The following FAM184A variants were observed in gnomAD, a reference collection of about 807,000 sequenced individuals.
The protein encoded by FAM184A is protein FAM184A.
In FAM184A, 99 loss-of-function variants were observed where a neutral mutation model predicts 143.8. The observed-to-expected ratio is 0.69, with a 90% CI of 0.58 to 0.81. FAM184A has a LOEUF of 0.81. FAM184A is among the 40% of genes least tolerant of loss of function. FAM184A has a pLI of 0.00. For missense variants in FAM184A, 1,217 were observed against 1,310.5 expected, an observed-to-expected ratio of 0.93 and a Z score of 1.10; for synonymous variants, 427 against 446.4, an observed-to-expected ratio of 0.96 and a Z score of 0.55.
In FAM184A at chr6:118,975,995, C is replaced by T. The variant is rs573673457; in HGVS notation, c.2505G>A (p.Leu835=). ...LNHQHAAAID[L]LRHNHHQELA... ...ATTCTTGATGATGATTATGCCGTAACAAATCAATTGCAGCTGCATGTTGAT... is the reference window on the plus strand; with the variant it reads ...ATTCTTGATGATGATTATGCCGTAATAAATCAATTGCAGCTGCATGTTGAT... The change falls in exon 12 of 18, where the codon TTG becomes TTA. Residue 835 remains leucine, a synonymous_variant. Transcript: ENST00000338891. 6.2e-7 allele frequency: 1 copy of T among 1,613,396 alleles called. No individual in the cohort carries two copies. The highest frequency in any genetic ancestry group is 1.3e-5 in the African/African-American group (1 of 74,990).
chr6:119,050,634 G>A (rs556400152), intron 1 of FAM184A, among the ~76,000 whole-genome samples: 17 of 151,876 alleles, frequency 1.1e-4, no homozygotes, highest in African/African-American at 3.4e-4. Context: ...GTGAAACCCC[G>A]TCTCTACTAA....
chr6:119,132,149 T>G (rs1789550181), intron 1 of FAM184A, among the ~76,000 whole-genome samples: 1 of 152,246 alleles, frequency 6.6e-6, no homozygotes, highest in South Asian at 2.1e-4. Context: ...TATTTCTGTT[T>G]TGAAATAACA....
chr6:119,083,044 C>G (rs1380569412), upstream of FAM184A, among the ~76,000 whole-genome samples: 2 of 152,254 alleles, frequency 1.3e-5, no homozygotes, highest in African/African-American at 4.8e-5. Flanking sequence ...TTCTTAACTT[C>G]TGTGCACCTG....
intron 1 of FAM184A, among the ~76,000 whole-genome samples, chr6:119,071,821 G>C (rs888813795): frequency 6.6e-6 from 1 of 151,378 alleles, no homozygotes; most frequent in Non-Finnish European, 1.5e-5. Flanking sequence ...TAAAATGAGA[G>C]GGTCAGCCTG....
upstream of FAM184A, chr6:119,078,737 C>G (rs1375829682): frequency 1.3e-5 from 2 of 153,538 alleles, no homozygotes; most frequent in South Asian, 1.8e-4. This position sits in a 1 kb window ranked among gnomAD's most constrained non-coding sequence, Gnocchi z 5.5. Flanking sequence ...CGGGAGCCGC[C>G]GTTACCAGGG....
intron 9 of FAM184A, among the ~76,000 whole-genome samples, chr6:118,987,493 A>C (rs1380170272): frequency 2.0e-5 from 3 of 152,224 alleles, no homozygotes; most frequent in African/African-American, 4.8e-5. Flanking sequence ...TAAATGGAAT[A>C]TTATTTTGAA....
At chr6:119,063,662 G>A (rs1422757711) in intron 1 of FAM184A, among the ~76,000 whole-genome samples, 1 of 152,044 alleles carries the variant, frequency 6.6e-6, no homozygotes, top group Non-Finnish European at 1.5e-5. Flanking sequence ...ATTATGGCAA[G>A]GATGAAATTA....
chr6:119,032,093 G>A (rs1416802361), intron 1 of FAM184A, among the ~76,000 whole-genome samples: 1 of 151,968 alleles, frequency 6.6e-6, no homozygotes, highest in Non-Finnish European at 1.5e-5. Flanking sequence ...CCAACATGGC[G>A]AAACCCTATC....
At chr6:119,027,102 C>A (rs794249) in intron 1 of FAM184A, among the ~76,000 whole-genome samples, 70,180 of 151,868 alleles carry the variant, frequency 0.46, 17,013 homozygotes, top group Non-Finnish European at 0.53. Context: ...TCAGGGCTTA[C>A]CTCTTTCAAC....
At chr6:119,063,132 T>C (rs1289101382) in intron 1 of FAM184A, among the ~76,000 whole-genome samples, 1 of 152,236 alleles carries the variant, frequency 6.6e-6, no homozygotes, top group Non-Finnish European at 1.5e-5. Context: ...AATATTGGTA[T>C]ATTTATTCAT....
At position 119,102,751 on chromosome 6, in the gene FAM184A, T is replaced by C. The variant is rs145574719; in HGVS notation, c.-202+46327A>G. ...GTTGCAGTGAGCTGAGATCGAGCCA[T>C]TGCACTCCAGCCTGATGACAGAGAC... is the stretch of plus-strand genomic sequence containing the variant. On this transcript the variant is annotated intron_variant, in intron 1 of 16. Coordinates refer to the FAM184A transcript ENST00000352896. 3.4e-3 allele frequency among the ~76,000 whole-genome samples: 406 copies of C among 117,708 alleles called. 6 individuals carry two copies. In the East Asian group the frequency reaches 0.044, roughly 13 times the overall value. The allele number at this position is 117,708 out of a possible 152,430, so 77.2% of individuals were successfully genotyped here.
intron 5 of FAM184A, among the ~76,000 whole-genome samples, chr6:119,011,734 C>T (rs1328117615): frequency 2.0e-5 from 3 of 152,146 alleles, no homozygotes; most frequent in African/African-American, 7.2e-5. Context: ...CTCTTGAATT[C>T]AAAATTCTTT....
intron 1 of FAM184A, among the ~76,000 whole-genome samples, chr6:119,085,542 T>C (rs1201539746): frequency 6.6e-6 from 1 of 152,174 alleles, no homozygotes; most frequent in Non-Finnish European, 1.5e-5. Flanking sequence ...TTCCAAACTT[T>C]CCTTCATTTT....
chr6:118,962,740 A>T (rs890050659), intron 16 of FAM184A: 1 of 152,154 alleles, frequency 6.6e-6, no homozygotes, highest in Non-Finnish European at 1.5e-5. Context: ...GATTATCAAA[A>T]TCTATCAGCT....
upstream of FAM184A, chr6:119,078,683 G>C (rs1787972147): frequency 6.2e-6 from 1 of 162,360 alleles, no homozygotes; most frequent in Non-Finnish European, 1.3e-5. This position sits in a 1 kb window ranked among gnomAD's most constrained non-coding sequence, Gnocchi z 5.5. Flanking sequence ...AGGAGGAGAC[G>C]GGGCGGGCTG....
intron 1 of FAM184A, among the ~76,000 whole-genome samples, chr6:119,037,843 A>C (rs2114721094): frequency 1.3e-5 from 2 of 152,352 alleles, no homozygotes; most frequent in South Asian, 4.1e-4. Flanking sequence ...TCTTCTTGAA[A>C]AGCAGTCCAA....
intron 3 of FAM184A, 54 bp from the exon 4 acceptor site, chr6:119,020,213 T>TA: frequency 7.3e-7 from 1 of 1,362,918 alleles, no homozygotes. Context: ...TACTATGAGA[T>TA]AAACAGTTTA....
At chr6:119,029,614 C>T (rs115952570) in intron 1 of FAM184A, among the ~76,000 whole-genome samples, 1,756 of 151,820 alleles carry the variant, frequency 0.012, 35 homozygotes, top group African/African-American at 0.04. Context: ...TATAAAAGCA[C>T]GGTAGCAATC....
intron 9 of FAM184A, among the ~76,000 whole-genome samples, chr6:118,999,831 A>G (rs997077713): frequency 1.3e-5 from 2 of 152,190 alleles, no homozygotes; most frequent in Non-Finnish European, 2.9e-5. Context: ...AGAGAGGTGC[A>G]CAATTAGCTA....
Sources: gnomAD v4.1 joint callset for allele counts (sites outside exome capture counted in the v4.1 genomes callset) on GRCh38, gnomAD v4.1.1 for gene constraint, Gnocchi (gnomAD v3.1) non-coding constraint, MANE v1.5 for transcripts, NCBI Gene and HGNC (gene_info 2026-07-23, HGNC 2026-07-21) for gene names.